Variants in EYS observed in about 807,000 individuals in gnomAD.
EYS encodes the protein protein eyes shut homolog.
A neutral mutation model predicts 282.1 loss-of-function variants in EYS; 250 were observed. The ratio of observed to expected loss-of-function variants is 0.89; its 90% CI spans 0.80 to 0.98. EYS has a LOEUF of 0.98. Among genes scored for constraint, EYS ranks in the 50% least tolerant of loss-of-function variants. The pLI is 0.00. For synonymous variants in EYS, 1,355 were observed against 1,282.9 expected, an observed-to-expected ratio of 1.06 and a Z score of -1.20; for missense variants, 4,016 against 3,709.0, an observed-to-expected ratio of 1.08 and a Z score of -2.15.
chr6:64,394,019 CT>C (rs1386785155), intron 28 of EYS, among the ~76,000 whole-genome samples: 2 of 152,068 alleles, frequency 1.3e-5, no homozygotes, highest in Non-Finnish European at 2.9e-5. Context: ...CATGAGTGAA[CT>C]CCCATTCACA....
At chr6:64,249,500 C>A (rs1378766214) in intron 30 of EYS, among the ~76,000 whole-genome samples, 2 of 152,066 alleles carry the variant, frequency 1.3e-5, no homozygotes, top group African/African-American at 4.8e-5. Flanking sequence ...ATGCATATAA[C>A]AAAATTGTGC....
chr6:64,759,250 G>A (rs1392059182), intron 22 of EYS, among the ~76,000 whole-genome samples: 1 of 152,156 alleles, frequency 6.6e-6, no homozygotes, highest in Non-Finnish European at 1.5e-5. Flanking sequence ...TTTCAAGCGA[G>A]ACATTCCTTT....
At chr6:63,884,160 A>G (rs1389839676) in intron 35 of EYS, among the ~76,000 whole-genome samples, 4 of 152,240 alleles carry the variant, frequency 2.6e-5, no homozygotes, top group Non-Finnish European at 5.9e-5. Context: ...AGGAATTAAC[A>G]AATGAAATTC....
At chr6:65,469,600 T>C (rs928491728) in intron 5 of EYS, among the ~76,000 whole-genome samples, 2 of 152,146 alleles carry the variant, frequency 1.3e-5, no homozygotes, top group Non-Finnish European at 2.9e-5. Context: ...TTGTTTTTCT[T>C]TTAAAATTAT....
chr6:65,070,230 C>G (rs1466595616), intron 12 of EYS, among the ~76,000 whole-genome samples: 1 of 151,890 alleles, frequency 6.6e-6, no homozygotes, highest in Non-Finnish European at 1.5e-5. Flanking sequence ...CTTCATCCAG[C>G]AGCAAAACTT....
At chr6:64,668,989 C>T (rs1008799172) in intron 22 of EYS, among the ~76,000 whole-genome samples, 1 of 152,100 alleles carries the variant, frequency 6.6e-6, no homozygotes, top group African/African-American at 2.4e-5. Flanking sequence ...GCTTTTCTTT[C>T]TTCTTAGCTT....
At chr6:64,961,427 T>C (rs978132243) in intron 14 of EYS, among the ~76,000 whole-genome samples, 4 of 151,682 alleles carry the variant, frequency 2.6e-5, no homozygotes. Flanking sequence ...AGGAATGAAG[T>C]GATCAGTTAT....
intron 31 of EYS, among the ~76,000 whole-genome samples, chr6:64,220,314 G>C (rs1295190023): frequency 6.6e-6 from 1 of 152,110 alleles, no homozygotes; most frequent in East Asian, 1.9e-4. Context: ...TTTTCTCTGT[G>C]CTCAGTTTTT....
chr6:64,982,156 C>G (rs997668398), intron 14 of EYS, among the ~76,000 whole-genome samples: 10 of 151,316 alleles, frequency 6.6e-5, no homozygotes, highest in African/African-American at 2.4e-4. Context: ...CAATGTTACA[C>G]TATTCCCATT....
chr6:64,613,248 G>A (rs1767167462), intron 24 of EYS, among the ~76,000 whole-genome samples: 1 of 151,998 alleles, frequency 6.6e-6, no homozygotes. Flanking sequence ...TGAAAAACAA[G>A]ACAACCATTC....
At chr6:64,933,597 T>C (rs1223258813) in intron 15 of EYS, among the ~76,000 whole-genome samples, 1 of 152,050 alleles carries the variant, frequency 6.6e-6, no homozygotes, top group Non-Finnish European at 1.5e-5. Flanking sequence ...GATCTAGAAC[T>C]AAAAATACCA....
intron 5 of EYS, among the ~76,000 whole-genome samples, chr6:65,412,874 T>G (rs1767078155): frequency 1.3e-5 from 2 of 152,190 alleles, no homozygotes; most frequent in African/African-American, 2.4e-5. Flanking sequence ...GTGCTTTTAG[T>G]GCCATATCTA....
At chr6:64,030,622 T>C (rs1195249997) in intron 33 of EYS, among the ~76,000 whole-genome samples, 1 of 152,158 alleles carries the variant, frequency 6.6e-6, no homozygotes, top group Admixed American at 6.5e-5. Flanking sequence ...GCCTTTCAAA[T>C]TCTTATACCA....
intron 22 of EYS, among the ~76,000 whole-genome samples, chr6:64,696,841 G>T (rs1770599415): frequency 6.6e-6 from 1 of 151,998 alleles, no homozygotes; most frequent in Non-Finnish European, 1.5e-5. Flanking sequence ...AATGCCCAAA[G>T]GTGTTTTAAA....
intron 28 of EYS, among the ~76,000 whole-genome samples, chr6:64,427,741 A>G (rs1417006266): frequency 6.6e-5 from 10 of 152,172 alleles, no homozygotes; most frequent in Non-Finnish European, 2.9e-5. Flanking sequence ...GAAAGCAACC[A>G]TTATGTATAC....
chr6:64,348,438 C>CAGT (rs1771495197), intron 29 of EYS, among the ~76,000 whole-genome samples: 15 of 318 alleles, frequency 0.047, no homozygotes, highest in Admixed American at 0.33. Flanking sequence ...CCCATGGAAG[C>CAGT]CACTCCCATG....
chr6:65,246,371 AG>A (rs1328789299), intron 12 of EYS, among the ~76,000 whole-genome samples: 1 of 152,166 alleles, frequency 6.6e-6, no homozygotes, highest in Non-Finnish European at 1.5e-5. Context: ...TGCAAATAAA[AG>A]TTTGTTGAAT....
At chr6:64,792,603 G>C (rs950680663) in intron 22 of EYS, among the ~76,000 whole-genome samples, 4 of 151,878 alleles carry the variant, frequency 2.6e-5, no homozygotes, top group Admixed American at 2.0e-4. Context: ...ATATAACAAA[G>C]ATATGATTAA....
intron 12 of EYS, among the ~76,000 whole-genome samples, chr6:65,160,359 T>C (rs929140285): frequency 6.6e-6 from 1 of 151,056 alleles, no homozygotes; most frequent in Admixed American, 6.6e-5. Flanking sequence ...CTTTGCATAT[T>C]GTTTTTAATT....
Sources: gnomAD v4.1 joint callset for allele counts (sites outside exome capture counted in the v4.1 genomes callset) on GRCh38, gnomAD v4.1.1 for gene constraint, MANE v1.5 for transcripts, NCBI Gene and HGNC (gene_info 2026-07-23, HGNC 2026-07-21) for gene names.